SLIT3: variants seen among roughly 807,000 people sequenced by gnomAD.
SLIT3 encodes slit homolog 3 protein.
A neutral mutation model predicts 184.0 loss-of-function variants in SLIT3; 68 were observed. The ratio of observed to expected loss-of-function variants is 0.37; its 90% CI spans 0.30 to 0.45. SLIT3 has a LOEUF of 0.45. SLIT3 is among the 20% of genes least tolerant of loss of function. The probability of loss-of-function intolerance (pLI) is 1.00; values close to 1 mark genes in which losing one functional copy is unlikely to be tolerated. For synonymous variants in SLIT3, 831 were observed against 828.6 expected (o/e 1.00, Z -0.05); for missense variants, 1,707 against 2,026.0 (o/e 0.84, Z 3.02).
rs554399535 is a variant in SLIT3 at position 168,876,206 on chromosome 5, T to C, written c.485+7059A>G. On this transcript the variant is annotated intron_variant, in intron 5 of 35. Coordinates refer to ENST00000519560, the MANE Select transcript of SLIT3 (RefSeq NM_003062.4). ...TGCAGTTTGACTCTGCCTTTTTAGA[T>C]CCACTTTACTTGCTCGATTTAGGTC... 1.4e-4 allele frequency among the ~76,000 whole-genome samples: 22 copies of C among 152,236 alleles called. No individual in the cohort carries two copies. The East Asian group carries it at 4.1e-3, about 28-fold the overall frequency.
At chr5:168,993,988 G>A (rs987888456) in intron 4 of SLIT3, 4 of 152,300 alleles carry the variant, frequency 2.6e-5, no homozygotes, top group South Asian at 2.1e-4. Context: ...GGATGCCCAG[G>A]ATGGGTATGA....
chr5:169,064,096 C>T (rs1462385647), intron 4 of SLIT3, among the ~76,000 whole-genome samples: 1 of 152,166 alleles, frequency 6.6e-6, no homozygotes, highest in Non-Finnish European at 1.5e-5. Flanking sequence ...TACAAATGAA[C>T]ACCTTTCCAT....
chr5:168,807,437 C>T (rs1757007188), intron 8 of SLIT3, among the ~76,000 whole-genome samples: 1 of 152,218 alleles, frequency 6.6e-6, no homozygotes, highest in Admixed American at 6.5e-5. Context: ...CATTTGCATG[C>T]TATGACTATT....
At chr5:168,752,701 C>T (rs1196240570) in intron 18 of SLIT3, 1 of 475,314 alleles carries the variant, frequency 2.1e-6, no homozygotes, top group Non-Finnish European at 3.8e-6. Context: ...GGCCTTCCAG[C>T]TTGGGTTTTC....
At chr5:168,934,145 T>TA (rs1205198667) in intron 4 of SLIT3, among the ~76,000 whole-genome samples, 1 of 152,182 alleles carries the variant, frequency 6.6e-6, no homozygotes, top group Admixed American at 6.5e-5. Flanking sequence ...TATTGTCCTC[T>TA]AAAGAGATCC....
intron 8 of SLIT3, among the ~76,000 whole-genome samples, chr5:168,812,468 C>T (rs1290623865): frequency 1.3e-5 from 2 of 152,040 alleles, no homozygotes; most frequent in Non-Finnish European, 2.9e-5. Flanking sequence ...TCAGTATGTT[C>T]AATTATTGTG....
intron 4 of SLIT3, among the ~76,000 whole-genome samples, chr5:169,119,526 G>A (rs372428192): frequency 2.0e-5 from 3 of 152,180 alleles, no homozygotes; most frequent in East Asian, 1.9e-4. Context: ...TGTTTATTTC[G>A]TGAAAACTGG....
chr5:169,281,262 A>G lies in SLIT3; in HGVS notation c.197+19251T>C, dbSNP rs180686862. On this transcript the variant is annotated intron_variant, in intron 1 of 35. Transcript: ENST00000519560. ...GGGAGGCCAAGGTGGGCGGATCATG[A>G]GGTCAGGTGATCGAGACCATCCTGG... Among the ~76,000 whole-genome samples the G allele has an allele frequency of 4.8e-3, 730 of 152,310 alleles. 4 individuals carry two copies. The highest frequency in any genetic ancestry group is 0.016 in the African/African-American group (679 of 41,578).
intron 4 of SLIT3, among the ~76,000 whole-genome samples, chr5:168,950,777 C>T (rs761132238): frequency 1.1e-4 from 16 of 152,250 alleles, no homozygotes; most frequent in Non-Finnish European, 1.2e-4. Flanking sequence ...GTTTTTACCT[C>T]AGACTCACCC....
At chr5:169,287,359 G>A (rs1475567675) in intron 1 of SLIT3, among the ~76,000 whole-genome samples, 1 of 152,110 alleles carries the variant, frequency 6.6e-6, no homozygotes, top group African/African-American at 2.4e-5. Context: ...TCTCCCCTCT[G>A]CTTCCACATG....
At chr5:168,836,325 T>C (rs1046416170) in intron 6 of SLIT3, among the ~76,000 whole-genome samples, 5 of 152,136 alleles carry the variant, frequency 3.3e-5, no homozygotes, top group Non-Finnish European at 5.9e-5. Flanking sequence ...AGGCAAGTTA[T>C]TCACTAAACA....
At chr5:169,140,965 CT>C (rs1456347656) in intron 4 of SLIT3, among the ~76,000 whole-genome samples, 2 of 152,206 alleles carry the variant, frequency 1.3e-5, no homozygotes, top group African/African-American at 4.8e-5. Context: ...ATCTTGTCAT[CT>C]TCATGCCCTA....
chr5:169,151,648 C>T (rs1442739135), intron 4 of SLIT3, among the ~76,000 whole-genome samples: 1 of 152,226 alleles, frequency 6.6e-6, no homozygotes, highest in African/African-American at 2.4e-5. Flanking sequence ...AGTGAGATGA[C>T]TTGGCCATTT....
intron 3 of SLIT3, among the ~76,000 whole-genome samples, chr5:169,226,006 C>A (rs890109601): frequency 6.6e-6 from 1 of 152,058 alleles, no homozygotes; most frequent in South Asian, 2.1e-4. Flanking sequence ...GATAATGGCG[C>A]GGATGAGATC....
At chr5:169,246,502 C>T (rs566574048) in intron 2 of SLIT3, among the ~76,000 whole-genome samples, 4 of 152,182 alleles carry the variant, frequency 2.6e-5, no homozygotes, top group African/African-American at 4.8e-5. Flanking sequence ...TAGCCAACCT[C>T]TCTCAGATTC....
intron 29 of SLIT3, among the ~76,000 whole-genome samples, chr5:168,690,138 CTTT>C (rs1341234574): frequency 4.3e-5 from 6 of 138,118 alleles, no homozygotes; most frequent in South Asian, 4.8e-4. Flanking sequence ...TGTTTTCTTT[CTTT>C]TTTTTTTTTT....
At chr5:168,996,056 T>C (rs963510694) in intron 4 of SLIT3, among the ~76,000 whole-genome samples, 5 of 152,070 alleles carry the variant, frequency 3.3e-5, no homozygotes, top group East Asian at 3.9e-4. Context: ...ATATCCACCA[T>C]AGCACTTAGC....
intron 4 of SLIT3, among the ~76,000 whole-genome samples, chr5:169,128,250 T>TTATA (rs924655753): frequency 2.7e-5 from 4 of 146,806 alleles, no homozygotes; most frequent in Admixed American, 2.0e-4. Context: ...ACACACACAT[T>TTATA]TATATATATA....
Position 168,801,665 on chromosome 5 carries a change from G to A in SLIT3, c.935+4781C>T, listed in dbSNP as rs1186272041. ...GAGGGCGTCTGAAGACCACAGAGCAGATGAACATGTGGGTCTCTGGGGCTT... is the reference window on the plus strand; with the variant it reads ...GAGGGCGTCTGAAGACCACAGAGCAAATGAACATGTGGGTCTCTGGGGCTT... On this transcript the variant is annotated intron_variant, in intron 9 of 35. Coordinates refer to ENST00000519560, the MANE Select transcript of SLIT3 (RefSeq NM_003062.4). Among the ~76,000 whole-genome samples, 3 of 152,160 alleles carry A rather than the reference G, an allele frequency of 2.0e-5. 1 individual carries two copies. Among genetic ancestry groups the A allele is most frequent in the Admixed American group, 2.0e-4 (3 of 15,286 alleles).
Sources: allele counts gnomAD v4.1 joint callset (sites outside exome capture counted in the v4.1 genomes callset), GRCh38; gene constraint gnomAD v4.1.1; transcripts MANE v1.5; gene names NCBI Gene and HGNC (gene_info 2026-07-23, HGNC 2026-07-21).